The following GPCPD1 variants were observed in gnomAD, a reference collection of about 807,000 sequenced individuals.
GPCPD1 encodes the protein glycerophosphocholine phosphodiesterase 1.
GPCPD1 carries 29 observed loss-of-function variants against 89.2 expected under a neutral mutation model. The observed-to-expected ratio is 0.33, with a 90% CI of 0.24 to 0.44. GPCPD1 has a LOEUF of 0.44. Among genes scored for constraint, GPCPD1 ranks in the 20% least tolerant of loss-of-function variants. GPCPD1 has a pLI of 1.00. For synonymous variants in GPCPD1, 258 were observed against 266.3 expected (o/e 0.97, Z 0.30); for missense variants, 594 against 808.9 (o/e 0.73, Z 3.22).
At chr20:5,574,321 C>G (rs6116854) in intron 10 of GPCPD1, among the ~76,000 whole-genome samples, 4,136 of 152,268 alleles carry the variant, frequency 0.027, 193 homozygotes, top group African/African-American at 0.095. Flanking sequence ...GCAATACAGC[C>G]TCCAAAGGAC....
chr20:5,602,222 A>G (rs1980211455), intron 2 of GPCPD1, among the ~76,000 whole-genome samples: 1 of 152,142 alleles, frequency 6.6e-6, no homozygotes, highest in Non-Finnish European at 1.5e-5. Flanking sequence ...ATCTATATCC[A>G]CATCCACCAT....
chr20:5,571,931 G>A (rs991423375), intron 11 of GPCPD1, among the ~76,000 whole-genome samples: 1 of 150,066 alleles, frequency 6.7e-6, no homozygotes, highest in African/African-American at 2.5e-5. Flanking sequence ...AATTTAACAG[G>A]GTCATCACAC....
intron 2 of GPCPD1, among the ~76,000 whole-genome samples, chr20:5,600,285 G>A (rs1201046381): frequency 6.6e-6 from 1 of 152,276 alleles, no homozygotes; most frequent in Admixed American, 6.5e-5. Context: ...GCCGGGCGCA[G>A]TGGCCCATGC....
At chr20:5,561,078 TA>T (rs1467934007) in intron 16 of GPCPD1, among the ~76,000 whole-genome samples, 3 of 152,234 alleles carry the variant, frequency 2.0e-5, no homozygotes, top group African/African-American at 7.2e-5. Flanking sequence ...TTTTCCTGAA[TA>T]ATTATTACTA....
In GPCPD1 at chr20:5,606,111, T is replaced by A. The variant is rs145033023; in HGVS notation, c.-28-1671A>T. Among the ~76,000 whole-genome samples, 691 of 152,284 alleles carry A rather than the reference T, an allele frequency of 4.5e-3. 4 individuals are homozygous for A. Among genetic ancestry groups the A allele is most frequent in the Non-Finnish European group, 7.1e-3 (486 of 68,014 alleles). On this transcript the variant is annotated intron_variant, in intron 1 of 19. Coordinates refer to ENST00000379019, the MANE Select transcript of GPCPD1 (RefSeq NM_019593.5). ...AATTTTTTCATTTCTTCCCTGTCAG[T>A]CAAAGGAATCTGTTTCCCATCCACT...
chr20:5,595,551 G>C (rs765036157), intron 3 of GPCPD1, among the ~76,000 whole-genome samples: 1 of 152,042 alleles, frequency 6.6e-6, no homozygotes, highest in Non-Finnish European at 1.5e-5. Context: ...TGAGGCAGGC[G>C]AATCACTTGA....
intron 2 of GPCPD1, among the ~76,000 whole-genome samples, chr20:5,600,209 T>C (rs925859581): frequency 1.3e-5 from 2 of 152,204 alleles, no homozygotes; most frequent in Admixed American, 1.3e-4. Context: ...GCTTGGACTA[T>C]CTAAAAATTA....
In GPCPD1 at chr20:5,598,829, A is replaced by C. The variant is rs1195776504; in HGVS notation, c.50-8T>G. ...ATATCGCAAAAACTTCTCCTAAAGA[A>C]ACAGAACAATCAGTCACAGAGAAAC... On this transcript the variant is annotated splice_region_variant and splice_polypyrimidine_tract_variant and intron_variant, in intron 2 of 19. Coordinates refer to ENST00000379019, the MANE Select transcript of GPCPD1 (RefSeq NM_019593.5). 2 of 1,556,590 alleles carry C rather than the reference A, an allele frequency of 1.3e-6. No homozygotes were observed. Among genetic ancestry groups the C allele is most frequent in the Non-Finnish European group, 1.8e-6 (2 of 1,128,240 alleles).
intron 11 of GPCPD1, among the ~76,000 whole-genome samples, chr20:5,571,890 C>CCAAGCCATCACGTTTAT (rs1986745304): frequency 6.7e-6 from 1 of 149,738 alleles, no homozygotes; most frequent in Non-Finnish European, 1.5e-5. Flanking sequence ...GCCTGAGTGA[C>CCAAGCCATCACGTTTAT]AGAACAAAAC....
chr20:5,555,091 G>T (rs75356963), intron 19 of GPCPD1, among the ~76,000 whole-genome samples: 5,898 of 152,308 alleles, frequency 0.039, 157 homozygotes, highest in Non-Finnish European at 0.062. Context: ...GCTTCTTATG[G>T]ATGAGGAAAG....
At chr20:5,583,042 CTG>C (rs1248089328) in intron 6 of GPCPD1, among the ~76,000 whole-genome samples, 1 of 151,778 alleles carries the variant, frequency 6.6e-6, no homozygotes, top group Non-Finnish European at 1.5e-5. Flanking sequence ...CAAGACCAGC[CTG>C]ACCAACATGG....
chr20:5,610,894 G>A lies in GPCPD1; in HGVS notation c.-81C>T, dbSNP rs1184285762. ...CGTCGCCGCCGCCCCGCCCGAGAGC[G>A]AGGACCGCGGGCAGAGGTACCGGGC... is the stretch of plus-strand genomic sequence containing the variant. On this transcript the variant is annotated 5_prime_UTR_variant, in exon 1 of 20. Transcript: ENST00000379019. 6.6e-6 allele frequency: 1 copy of A among 151,708 alleles called. No individual in the cohort carries two copies. The highest frequency in any genetic ancestry group is 2.4e-5 in the African/African-American group (1 of 41,382). The allele number at this position is 151,708 out of a possible 1,614,324, so 9.4% of individuals were successfully genotyped here.
At chr20:5,586,413 C>A in intron 4 of GPCPD1, 144 bp from the exon 5 acceptor site, 4 of 563,924 alleles carry the variant, frequency 7.1e-6, no homozygotes, top group Non-Finnish European at 1.3e-5. Context: ...ATGCCAAAAG[C>A]CTGGAATGTA....
intron 15 of GPCPD1, among the ~76,000 whole-genome samples, chr20:5,562,473 G>T (rs1986142152): frequency 6.6e-6 from 1 of 152,052 alleles, no homozygotes; most frequent in Non-Finnish European, 1.5e-5. Flanking sequence ...AGTAGTGATG[G>T]GTTTCACCAT....
chr20:5,584,805 T>C (rs2122715265), intron 5 of GPCPD1: 1 of 152,984 alleles, frequency 6.5e-6, no homozygotes, highest in East Asian at 1.9e-4. Context: ...CAGCGTGAAC[T>C]TACCTGTATG....
intron 2 of GPCPD1, among the ~76,000 whole-genome samples, chr20:5,601,192 A>T (rs1421479660): frequency 6.6e-6 from 1 of 151,570 alleles, no homozygotes; most frequent in East Asian, 1.9e-4. Context: ...GTACAAAAAA[A>T]AATTTTAAGT....
intron 6 of GPCPD1, among the ~76,000 whole-genome samples, chr20:5,583,225 CAAA>C (rs35153907): frequency 6.7e-4 from 43 of 64,276 alleles, no homozygotes; most frequent in Admixed American, 9.8e-4. Context: ...AACTCCATCT[CAAA>C]AAAAAAAAAA....
chr20:5,582,010 C>A, intron 6 of GPCPD1, among the ~76,000 whole-genome samples: 1 of 146,360 alleles, frequency 6.8e-6, no homozygotes, highest in African/African-American at 2.5e-5. Flanking sequence ...CGGTGAAACC[C>A]CGTCTCTACT....
At chr20:5,549,309 A>C in intron 19 of GPCPD1, 1 of 997,044 alleles carries the variant, frequency 1.0e-6, no homozygotes, top group Non-Finnish European at 1.6e-6. Context: ...GCTAAAGGTG[A>C]TAAGATAGCA....
Sources: allele counts gnomAD v4.1 joint callset (sites outside exome capture counted in the v4.1 genomes callset), GRCh38; gene constraint gnomAD v4.1.1; transcripts MANE v1.5; gene names NCBI Gene and HGNC (gene_info 2026-07-23, HGNC 2026-07-21).